AXDND1: variants seen among roughly 807,000 people sequenced by gnomAD.
The protein encoded by AXDND1 is axonemal dynein light chain domain containing 1.
A neutral mutation model predicts 137.5 loss-of-function variants in AXDND1; 110 were observed. The observed-to-expected ratio is 0.80, with a 90% confidence interval of 0.69 to 0.94. AXDND1 has a LOEUF of 0.94. Among genes scored for constraint, AXDND1 ranks in the 40% least tolerant of loss-of-function variants. The pLI is 0.00. For synonymous variants in AXDND1, 414 were observed against 399.7 expected, an observed-to-expected ratio of 1.04 and a Z score of -0.43; for missense variants, 1,191 against 1,169.8, an observed-to-expected ratio of 1.02 and a Z score of -0.26.
intron 17 of AXDND1, among the ~76,000 whole-genome samples, chr1:179,474,602 T>C (rs935578631): frequency 1.3e-5 from 2 of 152,140 alleles, no homozygotes; most frequent in African/African-American, 4.8e-5. Flanking sequence ...GCCCTAGAAA[T>C]CTGAGGAACT....
Position 179,405,168 on chromosome 1 carries a change from C to T in AXDND1, c.1110-5978C>T, listed in dbSNP as rs532798417. Among the ~76,000 whole-genome samples, 6 of 151,958 alleles carry T rather than the reference C, an allele frequency of 3.9e-5. No individual in the cohort carries two copies. In the East Asian group the frequency reaches 5.8e-4, roughly 15 times the overall value. ...ACTCCCACTTATGAATGAGAACATGCGGTGTTCGGTTTTCTGTTCTTGTGT... is the reference window on the plus strand; with the variant it reads ...ACTCCCACTTATGAATGAGAACATGTGGTGTTCGGTTTTCTGTTCTTGTGT... On this transcript the variant is annotated intron_variant, in intron 11 of 25. Coordinates refer to ENST00000367618, the MANE Select transcript of AXDND1 (RefSeq NM_144696.6).
At chr1:179,469,675 C>T (rs759728911) in intron 17 of AXDND1, among the ~76,000 whole-genome samples, 51 of 152,320 alleles carry the variant, frequency 3.3e-4, no homozygotes, top group Middle Eastern at 3.4e-3. Flanking sequence ...GATTTCTCCA[C>T]ATACTTGCCA....
Position 179,385,330 on chromosome 1 carries a change from A to G in AXDND1, c.834A>G (p.Ala278=), listed in dbSNP as rs763929568. 4 of 1,614,116 alleles carry G rather than the reference A, an allele frequency of 2.5e-6. No individual in the cohort carries two copies. Among genetic ancestry groups the G allele is most frequent in the Non-Finnish European group, 3.4e-6 (4 of 1,179,972 alleles). Residue 278 remains alanine, a synonymous_variant, in exon 9 of 26, where the codon GCA becomes GCG. Coordinates refer to ENST00000367618, the MANE Select transcript of AXDND1 (RefSeq NM_144696.6). ...ELIRQVSVDC[A]DRGELLSKVR... ...TTCGACAAGTCAGTGTGGACTGTGC[A>G]GACAGAGGAGAACTTCTGTCTAAAG...
chr1:179,508,876 A>G (rs1192628488), intron 20 of AXDND1, among the ~76,000 whole-genome samples: 2 of 152,228 alleles, frequency 1.3e-5, no homozygotes, highest in Non-Finnish European at 2.9e-5. Flanking sequence ...ACTGAGGATC[A>G]AATGAGTTAA....
At chr1:179,424,579 C>T (rs1319242829) in intron 12 of AXDND1, among the ~76,000 whole-genome samples, 1 of 151,922 alleles carries the variant, frequency 6.6e-6, no homozygotes, top group African/African-American at 2.4e-5. Flanking sequence ...AGGCACGTGC[C>T]ACCAGGCCTG....
chr1:179,534,475 G>A, intron 24 of AXDND1: 1 of 321,992 alleles, frequency 3.1e-6, no homozygotes, highest in Non-Finnish European at 5.5e-6. Flanking sequence ...GAGAATTCCA[G>A]ATACCCCAAA....
chr1:179,491,754 A>G lies in AXDND1; in HGVS notation c.2291+17A>G, dbSNP rs770084727. 1 of 1,517,318 alleles carries G rather than the reference A, an allele frequency of 6.6e-7. No homozygotes were observed. Among genetic ancestry groups the G allele is most frequent in the Non-Finnish European group, 8.8e-7 (1 of 1,134,256 alleles). 94.0% of individuals were successfully genotyped at this position (1,517,318 alleles called of 1,614,324 possible). The stretch of plus-strand genomic sequence containing the variant: ...TTTGAGCAGGTGAAGCGGTTATTTT[A>G]TTGTTGCCCTTTTGAAGAATTGAAT... On this transcript the variant is annotated intron_variant, in intron 19 of 25. Coordinates refer to ENST00000367618, the MANE Select transcript of AXDND1 (RefSeq NM_144696.6).
At chr1:179,372,541 C>G (rs1668136241) in intron 4 of AXDND1, among the ~76,000 whole-genome samples, 1 of 151,760 alleles carries the variant, frequency 6.6e-6, no homozygotes, top group African/African-American at 2.4e-5. Flanking sequence ...TAAATAAAAT[C>G]CAGTTATTAT....
chr1:179,491,000 C>A (rs937122796), intron 18 of AXDND1, among the ~76,000 whole-genome samples: 2 of 152,136 alleles, frequency 1.3e-5, no homozygotes, highest in African/African-American at 4.8e-5. Context: ...ATTGTAGGTT[C>A]TCACAGGTTA....
At chr1:179,475,891 A>G (rs182230806) in intron 17 of AXDND1, among the ~76,000 whole-genome samples, 4 of 152,290 alleles carry the variant, frequency 2.6e-5, no homozygotes, top group African/African-American at 4.8e-5. Flanking sequence ...TAATTCTCAC[A>G]TGTCAAGGGA....
rs764659651 is a variant in AXDND1, at chr1:179,445,048, T to C, written c.1642T>C (p.Leu548=). The C allele has an allele frequency of 1.9e-6, 3 of 1,613,466 alleles. No individual in the cohort carries two copies. Among genetic ancestry groups the C allele is most frequent in the Non-Finnish European group, 1.7e-6 (2 of 1,179,534 alleles). ...KYDTLKIIKH[L]QENWADIGLG... is the part of the protein sequence containing the mutation. The stretch of plus-strand genomic sequence containing the variant: ...CGATACTCTCAAGATTATTAAACAT[T>C]TACAGGAAAACTGGGCAGATATTGG... The change falls in exon 16 of 26, where the codon TTA becomes CTA. Residue 548 remains leucine, a synonymous_variant. Transcript: ENST00000367618.
At position 179,480,629 on chromosome 1, in the gene AXDND1, T is replaced by C. The variant is rs146229375; in HGVS notation, c.1998-2499T>C. The stretch of plus-strand genomic sequence containing the variant: ...TGTATATGTCACACTTTCTTGTTTC[T>C]TATCATGCCTTGTAAGGTTTCTTTT... On this transcript the variant is annotated intron_variant, in intron 17 of 25. Coordinates refer to ENST00000367618, the MANE Select transcript of AXDND1 (RefSeq NM_144696.6). Among the ~76,000 whole-genome samples the C allele has an allele frequency of 3.6e-4, 55 of 152,358 alleles. No individual in the cohort carries two copies. The East Asian group carries it at 9.8e-3, about 27-fold the overall frequency.
chr1:179,483,164 A>G lies in AXDND1; in HGVS notation c.2034A>G (p.Gln678=), dbSNP rs1248791240. The change falls in exon 18 of 26, where the codon CAA becomes CAG. Residue 678 remains glutamine (Q), a synonymous_variant. Coordinates refer to ENST00000367618, the MANE Select transcript of AXDND1 (RefSeq NM_144696.6). ...LQAYIFNMIQ[Q]WLLKIGNEIN... Reference sequence around the variant, plus strand: ...CGTATATATTTAACATGATTCAACAATGGCTTTTGAAGATAGGCAATGAAA... The same window carrying G: ...CGTATATATTTAACATGATTCAACAGTGGCTTTTGAAGATAGGCAATGAAA... The G allele has an allele frequency of 1.2e-6, 2 of 1,610,004 alleles. No homozygotes were observed. The highest frequency in any genetic ancestry group is 2.7e-5 in the African/African-American group (2 of 74,768).
At chr1:179,414,833 G>A (rs1458201575) in intron 12 of AXDND1, among the ~76,000 whole-genome samples, 2 of 152,196 alleles carry the variant, frequency 1.3e-5, no homozygotes, top group East Asian at 1.9e-4. Context: ...ATCTGAATAT[G>A]AGAATAATAA....
chr1:179,516,666 C>T (rs1669568703), intron 21 of AXDND1, among the ~76,000 whole-genome samples: 1 of 152,150 alleles, frequency 6.6e-6, no homozygotes, highest in Non-Finnish European at 1.5e-5. Context: ...GTAGTACTCT[C>T]CCCCTTTTCC....
At chr1:179,492,168 G>C (rs571904533) in intron 19 of AXDND1, among the ~76,000 whole-genome samples, 2 of 152,084 alleles carry the variant, frequency 1.3e-5, no homozygotes, top group Non-Finnish European at 2.9e-5. Flanking sequence ...CCACCTCCCA[G>C]GCTCAAGAGA....
At chr1:179,377,141 A>G (rs893818483) in intron 4 of AXDND1, among the ~76,000 whole-genome samples, 1 of 152,148 alleles carries the variant, frequency 6.6e-6, no homozygotes, top group Admixed American at 6.6e-5. Context: ...CATATTGGTC[A>G]GGTTGGCCAC....
At chr1:179,386,945 A>G (rs1336595160) in intron 9 of AXDND1, among the ~76,000 whole-genome samples, 2 of 151,748 alleles carry the variant, frequency 1.3e-5, no homozygotes, top group Non-Finnish European at 2.9e-5. Flanking sequence ...CCTATCTAGT[A>G]TATATTTTCA....
intron 12 of AXDND1, among the ~76,000 whole-genome samples, chr1:179,419,646 A>AGGGGGAG: frequency 2.9e-4 from 1 of 3,404 alleles, no homozygotes; most frequent in East Asian, 4.0e-3. Context: ...GGAGAGGGAG[A>AGGGGGAG]GGGGGAGGGG....
Sources: gnomAD v4.1 joint callset for allele counts (sites outside exome capture counted in the v4.1 genomes callset) on GRCh38, gnomAD v4.1.1 for gene constraint, MANE v1.5 for transcripts, NCBI Gene and HGNC (gene_info 2026-07-23, HGNC 2026-07-21) for gene names.